GALNTL6: variants seen among roughly 807,000 people sequenced by gnomAD.
GALNTL6 encodes the protein polypeptide N-acetylgalactosaminyltransferase-like 6.
A neutral mutation model predicts 73.7 loss-of-function variants in GALNTL6; 46 were observed. The observed-to-expected ratio is 0.62, with a 90% confidence interval of 0.49 to 0.80. GALNTL6 has a LOEUF of 0.80. Ranked by LOEUF, GALNTL6 falls within the 30% of genes least tolerant of loss-of-function variation. The pLI is 0.00. For missense variants in GALNTL6, 604 were observed against 755.0 expected (o/e 0.80, Z 2.34); for synonymous variants, 259 against 263.7 (o/e 0.98, Z 0.17).
At chr4:172,041,182 G>A (rs996188485) in intron 2 of GALNTL6, among the ~76,000 whole-genome samples, 1 of 151,906 alleles carries the variant, frequency 6.6e-6, no homozygotes, top group African/African-American at 2.4e-5. Context: ...TTGGTTTATT[G>A]ATCCCTATGA....
chr4:172,583,698 G>A lies in GALNTL6; in HGVS notation c.554-225663G>A, dbSNP rs183854479. ...GGGTGGATCACGATGTCAGGAGTTC[G>A]AGACCAGCCTGACCAACATGGTGAA... is the stretch of plus-strand genomic sequence containing the variant. On this transcript the variant is annotated intron_variant, in intron 5 of 12. Transcript: ENST00000506823. Among the ~76,000 whole-genome samples the A allele has an allele frequency of 2.6e-3, 402 of 151,862 alleles. 2 individuals are homozygous for A. Among genetic ancestry groups the A allele is most frequent in the African/African-American group, 9.3e-3 (384 of 41,432 alleles).
At chr4:172,715,935 T>G (rs943834150) in intron 5 of GALNTL6, among the ~76,000 whole-genome samples, 6 of 152,182 alleles carry the variant, frequency 3.9e-5, no homozygotes, top group Non-Finnish European at 8.8e-5. Context: ...GAAGTTATTG[T>G]TCTCAAATAA....
intron 2 of GALNTL6, among the ~76,000 whole-genome samples, chr4:171,867,290 T>C (rs1013943439): frequency 2.0e-5 from 3 of 152,174 alleles, no homozygotes; most frequent in South Asian, 2.1e-4. Flanking sequence ...CCAATTCAGT[T>C]GACAAAAGGG....
At chr4:171,904,181 C>T (rs10011070) in intron 2 of GALNTL6, among the ~76,000 whole-genome samples, 3,120 of 151,880 alleles carry the variant, frequency 0.021, 93 homozygotes, top group African/African-American at 0.071. Context: ...AGGCTTCAGA[C>T]GATCAAATTA....
chr4:172,148,052 T>A (rs1733973191), intron 2 of GALNTL6, among the ~76,000 whole-genome samples: 1 of 152,160 alleles, frequency 6.6e-6, no homozygotes, highest in Non-Finnish European at 1.5e-5. Flanking sequence ...AATAACTTAC[T>A]CTCTTTAAAT....
intron 2 of GALNTL6, among the ~76,000 whole-genome samples, chr4:172,020,792 T>A (rs2110799983): frequency 6.6e-6 from 1 of 151,954 alleles, no homozygotes; most frequent in South Asian, 2.1e-4. Context: ...AGGAAATACT[T>A]CCAAACTCAT....
chr4:172,040,696 T>C lies in GALNTL6; in HGVS notation c.139-188960T>C, dbSNP rs577404017. ...ATCTTCAATTTACAGCTGATAAAAT[T>C]GATACTTAAAGAGGCTAACTGATTT... On this transcript the variant is annotated intron_variant, in intron 2 of 12. Transcript: ENST00000506823. Among the ~76,000 whole-genome samples the C allele has an allele frequency of 5.9e-5, 9 of 152,228 alleles. No individual in the cohort carries two copies. The East Asian group carries it at 1.5e-3, about 26-fold the overall frequency.
chr4:172,561,952 T>TA (rs1736388673), intron 5 of GALNTL6, among the ~76,000 whole-genome samples: 1 of 152,232 alleles, frequency 6.6e-6, no homozygotes. Flanking sequence ...GTTAAATCTC[T>TA]AGCATTGAGT....
chr4:172,492,503 C>G (rs1244705328), intron 5 of GALNTL6, among the ~76,000 whole-genome samples: 2 of 152,024 alleles, frequency 1.3e-5, no homozygotes, highest in Admixed American at 6.6e-5. Context: ...TTTGAAGAAA[C>G]TTTTTAATTA....
chr4:172,686,885 C>T (rs1370567408), intron 5 of GALNTL6, among the ~76,000 whole-genome samples: 2 of 152,168 alleles, frequency 1.3e-5, no homozygotes, highest in Non-Finnish European at 2.9e-5. Flanking sequence ...CAGTCTCACA[C>T]ACATAATACA....
chr4:172,190,446 G>A lies in GALNTL6; in HGVS notation c.139-39210G>A, dbSNP rs553531330. Among the ~76,000 whole-genome samples, 4 of 152,226 alleles carry A rather than the reference G, an allele frequency of 2.6e-5. No homozygotes were observed. The South Asian group carries it at 8.3e-4, about 32-fold the overall frequency. The stretch of plus-strand genomic sequence containing the variant: ...AGTGTGTATGTTTTCAACTATAGTA[G>A]AGGGATTTGAATTATGAGGAGTTTA... On this transcript the variant is annotated intron_variant, in intron 2 of 12. Transcript: ENST00000506823.
At chr4:171,990,895 G>T (rs966887125) in intron 2 of GALNTL6, among the ~76,000 whole-genome samples, 4 of 152,310 alleles carry the variant, frequency 2.6e-5, no homozygotes, top group Admixed American at 6.5e-5. Context: ...ATTAAATGGT[G>T]TCTGTTCAAC....
At chr4:172,430,692 C>A (rs1441433096) in intron 5 of GALNTL6, among the ~76,000 whole-genome samples, 1 of 152,008 alleles carries the variant, frequency 6.6e-6, no homozygotes, top group Non-Finnish European at 1.5e-5. Context: ...ATAGTACCAG[C>A]TACTCGGGAG....
chr4:172,480,748 T>G (rs987530371), intron 5 of GALNTL6, among the ~76,000 whole-genome samples: 1 of 152,184 alleles, frequency 6.6e-6, no homozygotes, highest in South Asian at 2.1e-4. Flanking sequence ...AGATGTGGAT[T>G]AGGCAGGCAA....
Position 172,302,244 on chromosome 4 carries a change from C to T in GALNTL6, c.248-9370C>T, listed in dbSNP as rs573545058. On this transcript the variant is annotated intron_variant, in intron 3 of 12. Coordinates refer to ENST00000506823, the MANE Select transcript of GALNTL6 (RefSeq NM_001034845.3). Reference sequence around the variant, plus strand: ...AGTGCAGTATTAGGGTGGGAGTGACCCAATTTTCCAGGTGCTGTCTGTCAC... The same window carrying T: ...AGTGCAGTATTAGGGTGGGAGTGACTCAATTTTCCAGGTGCTGTCTGTCAC... Among the ~76,000 whole-genome samples the T allele has an allele frequency of 5.9e-5, 9 of 152,148 alleles. No individual in the cohort carries two copies. The East Asian group carries it at 1.6e-3, about 26-fold the overall frequency.
At chr4:172,323,511 A>G (rs892110076) in intron 4 of GALNTL6, among the ~76,000 whole-genome samples, 2 of 152,166 alleles carry the variant, frequency 1.3e-5, no homozygotes, top group African/African-American at 2.4e-5. Flanking sequence ...TTATTCTTCT[A>G]TTGAGAATGG....
chr4:172,474,200 A>C (rs1295668957), intron 5 of GALNTL6, among the ~76,000 whole-genome samples: 2 of 151,708 alleles, frequency 1.3e-5, no homozygotes, highest in East Asian at 3.9e-4. Context: ...TCCAATTCTC[A>C]CACACCCATC....
intron 5 of GALNTL6, among the ~76,000 whole-genome samples, chr4:172,374,054 CTTCGTTCTCTGG>C (rs1742930948): frequency 6.6e-6 from 1 of 152,184 alleles, no homozygotes; most frequent in African/African-American, 2.4e-5. Flanking sequence ...TCCAGAGAAT[CTTCGTTCTCTGG>C]AGCAGTGCAC....
chr4:172,695,204 A>G (rs1439071431), intron 5 of GALNTL6, among the ~76,000 whole-genome samples: 1 of 152,242 alleles, frequency 6.6e-6, no homozygotes, highest in African/African-American at 2.4e-5. Flanking sequence ...GCTTAAAAAA[A>G]TCAGAACACT....
Sources: gnomAD v4.1 joint callset for allele counts (sites outside exome capture counted in the v4.1 genomes callset) on GRCh38, gnomAD v4.1.1 for gene constraint, MANE v1.5 for transcripts, NCBI Gene and HGNC (gene_info 2026-07-23, HGNC 2026-07-21) for gene names.